Variants in PM20D1 observed in about 807,000 individuals in gnomAD.
PM20D1 encodes the protein peptidase M20 domain containing 1, also known as N-fatty-acyl-amino acid synthase/hydrolase PM20D1.
In PM20D1, 53 loss-of-function variants were observed where a neutral mutation model predicts 53.8. The ratio of observed to expected loss-of-function variants is 0.98; its 90% CI spans 0.79 to 1.24. The LOEUF is 1.24. Among genes scored for constraint, PM20D1 ranks in the 50% most tolerant of loss-of-function variants. PM20D1 has a pLI of 0.00. For missense variants in PM20D1, 564 were observed against 616.8 expected, an observed-to-expected ratio of 0.91 and a Z score of 0.91; for synonymous variants, 239 against 241.3, an observed-to-expected ratio of 0.99 and a Z score of 0.09.
Position 205,844,838 on chromosome 1 carries a change from G to C in PM20D1, c.549C>G (p.Phe183Leu), listed in dbSNP as rs1369781823. The part of the protein sequence containing the change: ...LIRKYIPRRS[F>L]FISLGHDEES... ...CCTCATCATGGCCCAGAGAAATGAA[G>C]AAAGATCTTCGGGGGATGTACTTCC... Residue 183 changes from phenylalanine (F) to leucine (L), a missense_variant, in exon 4 of 13, where the codon TTC becomes TTG. Transcript: ENST00000367136. 1.2e-6 allele frequency: 2 copies of C among 1,613,824 alleles called. No individual in the cohort carries two copies. The highest frequency in any genetic ancestry group is 2.7e-5 in the African/African-American group (2 of 74,902).
At chr1:205,848,966 T>C (rs928533473) in intron 1 of PM20D1, among the ~76,000 whole-genome samples, 6 of 152,216 alleles carry the variant, frequency 3.9e-5, no homozygotes, top group African/African-American at 1.2e-4. Context: ...GCTTTTGTTC[T>C]CTTCTGTGCA....
intron 9 of PM20D1, among the ~76,000 whole-genome samples, chr1:205,841,193 G>A (rs1656797311): frequency 6.6e-6 from 1 of 152,180 alleles, no homozygotes; most frequent in East Asian, 1.9e-4. Flanking sequence ...GGACTAACTG[G>A]AGAAAAGAGT....
At chr1:205,842,541 A>C in intron 7 of PM20D1, 135 bp downstream of exon 7, 1 of 873,028 alleles carries the variant, frequency 1.1e-6, no homozygotes, top group East Asian at 2.5e-5. Context: ...GTCTTGGCTC[A>C]GCCACTGGCT....
chr1:205,846,356 A>G (rs1291504059), intron 2 of PM20D1, among the ~76,000 whole-genome samples: 1 of 152,076 alleles, frequency 6.6e-6, no homozygotes, highest in Non-Finnish European at 1.5e-5. Context: ...ACTGCACTCC[A>G]GCCTGGCTGA....
chr1:205,844,320 T>C (rs1656892309), intron 4 of PM20D1, 103 bp from the exon 5 acceptor site: 1 of 1,332,990 alleles, frequency 7.5e-7, no homozygotes, highest in Non-Finnish European at 9.9e-7. Context: ...CTCCAGAACC[T>C]TTCTACCTAG....
chr1:205,847,001 C>T (rs1435525556), intron 2 of PM20D1, among the ~76,000 whole-genome samples: 4 of 122,092 alleles, frequency 3.3e-5, no homozygotes, highest in Non-Finnish European at 6.8e-5. Flanking sequence ...TTCCTTCCTT[C>T]CTTTCTTTTT....
At chr1:205,844,343 G>A (rs563369242) in intron 4 of PM20D1, 126 bp from the exon 5 acceptor site, 1 of 1,169,134 alleles carries the variant, frequency 8.6e-7, no homozygotes, top group Non-Finnish European at 1.1e-6. Flanking sequence ...TCCTTCCTGG[G>A]AGCCAGGGCC....
chr1:205,835,689 G>A (rs756056197), intron 10 of PM20D1, among the ~76,000 whole-genome samples: 3 of 148,276 alleles, frequency 2.0e-5, no homozygotes, highest in Admixed American at 6.7e-5. Flanking sequence ...TGTAATGTGC[G>A]TAGGGCAGTG....
At chr1:205,841,754 A>G (rs960064806) in intron 9 of PM20D1, 57 bp downstream of exon 9, 150 of 1,451,390 alleles carry the variant, frequency 1.0e-4, no homozygotes, top group Middle Eastern at 4.5e-4. Context: ...GATTCAAGGA[A>G]GGGAGGAGTG....
rs745527604 is a variant in PM20D1 at position 205,842,761 on chromosome 1, A to G, written c.828-10T>C. 8.7e-6 allele frequency: 14 copies of G among 1,613,630 alleles called. 1 individual carries two copies. The highest frequency in any genetic ancestry group is 3.3e-4 in the Middle Eastern group (2 of 6,062). ...TGGTGTCTGCTCCAATCTGGAAGAG[A>G]AACAGAGTCCTCAAGACTTAGCGAA... On this transcript the variant is annotated splice_polypyrimidine_tract_variant and intron_variant, in intron 6 of 12. Transcript: ENST00000367136.
At chr1:205,847,670 G>A (rs12756994) in intron 2 of PM20D1, among the ~76,000 whole-genome samples, 136,838 of 151,624 alleles carry the variant, frequency 0.9, 61,963 homozygotes, top group Middle Eastern at 0.94. Flanking sequence ...GAGAGAGTTT[G>A]TACTCTAATG....
intron 5 of PM20D1, 98 bp downstream of exon 5, chr1:205,843,989 A>T: frequency 6.6e-7 from 1 of 1,516,858 alleles, no homozygotes; most frequent in Non-Finnish European, 8.9e-7. Flanking sequence ...AGGTGTACAC[A>T]AAGAGTTGTC....
chr1:205,843,608 G>GA, intron 6 of PM20D1, 59 bp downstream of exon 6: 1 of 1,561,292 alleles, frequency 6.4e-7, no homozygotes, highest in African/African-American at 1.4e-5. Flanking sequence ...TTTAAAGTGG[G>GA]AAAGTGCCAG....
At chr1:205,830,413 A>G in intron 11 of PM20D1, 34 bp from the exon 12 acceptor site, 1 of 1,480,946 alleles carries the variant, frequency 6.8e-7, no homozygotes, top group Non-Finnish European at 9.4e-7. Context: ...AAGGGGCTTT[A>G]CATGAGCAAT....
In PM20D1 at chr1:205,840,201, C is replaced by T. The variant is rs747437902; in HGVS notation, c.1116+51G>A. The stretch of plus-strand genomic sequence containing the variant: ...GTAGTTAAACCCGGGCCCTGAGGGC[C>T]ACATCTCCCTGATGCTGCATGAGTT... On this transcript the variant is annotated intron_variant, in intron 10 of 12. Coordinates refer to ENST00000367136, the MANE Select transcript of PM20D1 (RefSeq NM_152491.5). 6 of 1,543,228 alleles carry T rather than the reference C, an allele frequency of 3.9e-6. No individual in the cohort carries two copies. In the African/African-American group the frequency reaches 5.5e-5, roughly 14 times the overall value.
chr1:205,832,851 C>T, intron 10 of PM20D1, 85 bp from the exon 11 acceptor site: 1 of 1,421,508 alleles, frequency 7.0e-7, no homozygotes, highest in Admixed American at 2.5e-5. Flanking sequence ...GATTTCTTTC[C>T]AGCAAGGCAG....
chr1:205,842,180 T>A lies in PM20D1; in HGVS notation c.939A>T (p.Pro313=). ...TGCTTATAAGTGGTTCAAATAGCCA[T>A]GGGTTGCTCAGGATTATATTGACAG... ...PFPVNIILSN[P]WLFEPLISRF... Residue 313 remains proline (P), a synonymous_variant, in exon 8 of 13, where the codon CCA becomes CCT. Coordinates refer to ENST00000367136, the MANE Select transcript of PM20D1 (RefSeq NM_152491.5). The A allele has an allele frequency of 6.2e-7, 1 of 1,613,334 alleles. No individual in the cohort carries two copies. Among genetic ancestry groups the A allele is most frequent in the Non-Finnish European group, 8.5e-7 (1 of 1,179,326 alleles).
rs1656585976 is a variant in PM20D1, at chr1:205,832,673, C to A, written c.1210G>T (p.Asp404Tyr). The change falls in exon 11 of 13, where the codon GAC becomes TAC. Residue 404 changes from aspartate (D) to tyrosine (Y), a missense_variant. Asp to Tyr is a radical substitution (Grantham distance 160). Coordinates refer to ENST00000367136, the MANE Select transcript of PM20D1 (RefSeq NM_152491.5). ...FDPLPVSPSD[D>Y]KALGYQLLRQ... ...AGCAGCTGGTAGCCCAAGGCCTTGT[C>A]ATCAGAAGGGCTGACGGGGAGGGGG... 6.2e-7 allele frequency: 1 copy of A among 1,613,996 alleles called. No homozygotes were observed. Among genetic ancestry groups the A allele is most frequent in the South Asian group, 1.1e-5 (1 of 91,084 alleles).
At chr1:205,830,485 A>G in intron 11 of PM20D1, 106 bp from the exon 12 acceptor site, 1 of 754,372 alleles carries the variant, frequency 1.3e-6, no homozygotes, top group Non-Finnish European at 2.4e-6. Context: ...GGATCACTAC[A>G]GAGCAATGCC....
Sources: allele counts gnomAD v4.1 joint callset (sites outside exome capture counted in the v4.1 genomes callset), GRCh38; gene constraint gnomAD v4.1.1; transcripts MANE v1.5; gene names NCBI Gene and HGNC (gene_info 2026-07-23, HGNC 2026-07-21).